DYNC2I1: variants seen among roughly 807,000 people sequenced by gnomAD.
DYNC2I1 encodes the protein cytoplasmic dynein 2 intermediate chain 1.
A neutral mutation model predicts 133.4 loss-of-function variants in DYNC2I1; 89 were observed. The ratio of observed to expected loss-of-function variants is 0.67; its 90% CI spans 0.56 to 0.80. The LOEUF (loss-of-function observed/expected upper bound fraction) is 0.80, where lower values mean the gene tolerates loss of function less well. Among genes scored for constraint, DYNC2I1 ranks in the 30% least tolerant of loss-of-function variants. The pLI, the probability that DYNC2I1 is intolerant of heterozygous loss-of-function variation, is 0.00. For missense variants in DYNC2I1, 1,291 were observed against 1,314.5 expected, an observed-to-expected ratio of 0.98 and a Z score of 0.28; for synonymous variants, 504 against 484.3, an observed-to-expected ratio of 1.04 and a Z score of -0.54.
chr7:158,933,232 GA>G (rs1319382732), intron 21 of DYNC2I1, among the ~76,000 whole-genome samples: 2 of 152,060 alleles, frequency 1.3e-5, no homozygotes, highest in Admixed American at 6.5e-5. Flanking sequence ...CCATATAAAG[GA>G]AAAAATAAAA....
At chr7:158,947,318 T>C (rs1015729661), downstream of DYNC2I1, among the ~76,000 whole-genome samples, 12 of 152,222 alleles carry the variant, frequency 7.9e-5, no homozygotes, top group Admixed American at 7.9e-4. Flanking sequence ...TCCTTGCTGC[T>C]GTTTTGCAAC....
intron 8 of DYNC2I1, among the ~76,000 whole-genome samples, chr7:158,893,712 A>C (rs111396024): frequency 6.8e-6 from 1 of 146,224 alleles, no homozygotes; most frequent in Non-Finnish European, 1.5e-5. Flanking sequence ...ATATCGTACC[A>C]CATATCGTAC....
At chr7:158,897,538 C>G (rs1845868848) in intron 8 of DYNC2I1, among the ~76,000 whole-genome samples, 1 of 152,166 alleles carries the variant, frequency 6.6e-6, no homozygotes, top group African/African-American at 2.4e-5. Context: ...TAGAGCTGTT[C>G]ATGGTATTAC....
downstream of DYNC2I1, among the ~76,000 whole-genome samples, chr7:158,947,456 T>C (rs2730217): frequency 0.85 from 129,930 of 152,250 alleles, 55,652 homozygotes; most frequent in East Asian, 0.95. Context: ...CTTTGGTGTC[T>C]GCGAATTCTC....
At chr7:158,940,074 T>C (rs1851186220) in intron 23 of DYNC2I1, among the ~76,000 whole-genome samples, 1 of 152,168 alleles carries the variant, frequency 6.6e-6, no homozygotes, top group Non-Finnish European at 1.5e-5. Context: ...CTCTCAGTAA[T>C]GGACAGATTA....
intron 23 of DYNC2I1, among the ~76,000 whole-genome samples, chr7:158,935,137 C>T (rs1350411863): frequency 6.6e-6 from 1 of 152,210 alleles, no homozygotes; most frequent in African/African-American, 2.4e-5. Flanking sequence ...CTGTTTAACA[C>T]AATAGAAATT....
At chr7:158,936,682 C>T (rs1183215120) in intron 23 of DYNC2I1, among the ~76,000 whole-genome samples, 1 of 152,228 alleles carries the variant, frequency 6.6e-6, no homozygotes, top group Non-Finnish European at 1.5e-5. Flanking sequence ...AAAGGAGGCA[C>T]TCAATCAGAG....
At chr7:158,922,918 G>A (rs1849240862) in intron 16 of DYNC2I1, among the ~76,000 whole-genome samples, 1 of 152,106 alleles carries the variant, frequency 6.6e-6, no homozygotes, top group Non-Finnish European at 1.5e-5. Flanking sequence ...TGTTTTAGAG[G>A]TTTCTTAGAC....
At chr7:158,905,200 G>T (rs146718513) in intron 10 of DYNC2I1, 1 of 390,290 alleles carries the variant, frequency 2.6e-6, no homozygotes, top group Admixed American at 3.3e-5. Context: ...GAGTACAGTG[G>T]CATGATCTCG....
rs1444286764 is a variant in DYNC2I1 at position 158,886,948 on chromosome 7, T to C, written c.936-73T>C. The C allele has an allele frequency of 2.2e-6, 3 of 1,384,378 alleles. No homozygotes were observed. In the East Asian group the frequency reaches 6.9e-5, roughly 32 times the overall value. 85.8% of individuals were successfully genotyped at this position (1,384,378 alleles called of 1,614,324 possible). On this transcript the variant is annotated intron_variant, in intron 6 of 24. Transcript: ENST00000407559. ...AAATATTGTTAAGAGCTTTCACTGA[T>C]ATGGAAAATGTTTTATTTTTTAAAA...
At chr7:158,941,706 A>C (rs1170702612) in intron 23 of DYNC2I1, among the ~76,000 whole-genome samples, 2 of 152,138 alleles carry the variant, frequency 1.3e-5, no homozygotes, top group Non-Finnish European at 2.9e-5. Flanking sequence ...ACATAGTGAG[A>C]CCTCATCTCT....
chr7:158,881,191 T>C (rs1843970111), intron 5 of DYNC2I1, among the ~76,000 whole-genome samples: 1 of 152,158 alleles, frequency 6.6e-6, no homozygotes, highest in Admixed American at 6.5e-5. Context: ...GGGGTCAGAG[T>C]CCTTTAACCT....
At chr7:158,848,113 A>C in the DYNC2I1 span, among the ~76,000 whole-genome samples, 6 of 152,254 alleles carry the variant, frequency 3.9e-5, no homozygotes, top group East Asian at 5.8e-4. Context: ...CCTGAGGGAT[A>C]TATGTGATCC....
At chr7:158,911,721 A>G (rs1164520338) in intron 12 of DYNC2I1, 42 bp downstream of exon 12, 2 of 1,576,928 alleles carry the variant, frequency 1.3e-6, no homozygotes, top group African/African-American at 1.4e-5. Context: ...AATGCAAGTA[A>G]AGTCTAGTAG....
intron 3 of DYNC2I1, among the ~76,000 whole-genome samples, chr7:158,872,832 A>G (rs1034752203): frequency 6.6e-6 from 1 of 151,960 alleles, no homozygotes; most frequent in African/African-American, 2.4e-5. Flanking sequence ...CCCCATCTCT[A>G]CTGAAAAAAA....
chr7:158,878,644 GACTCT>G (rs1843641836), intron 4 of DYNC2I1, among the ~76,000 whole-genome samples: 1 of 143,296 alleles, frequency 7.0e-6, no homozygotes, highest in Admixed American at 6.9e-5. Flanking sequence ...CAGGAGGGCC[GACTCT>G]GAGTGCCAGG....
chr7:158,859,152 T>C (rs1437493906), intron 1 of DYNC2I1, among the ~76,000 whole-genome samples: 24 of 149,770 alleles, frequency 1.6e-4, no homozygotes, highest in Admixed American at 1.5e-3. Context: ...CGAGCTACCA[T>C]GCCTGGCCTG....
chr7:158,948,047 C>T (rs992058560), downstream of DYNC2I1, among the ~76,000 whole-genome samples: 21 of 152,226 alleles, frequency 1.4e-4, no homozygotes, highest in African/African-American at 3.9e-4. Context: ...GGAGCTGGCC[C>T]GGTGCTTGTG....
intron 20 of DYNC2I1, among the ~76,000 whole-genome samples, chr7:158,928,805 C>T (rs1398068591): frequency 6.6e-6 from 1 of 152,076 alleles, no homozygotes; most frequent in Admixed American, 6.5e-5. Flanking sequence ...CCCCCCTTCA[C>T]ACCCAGGATT....
Sources: gnomAD v4.1 joint callset for allele counts (sites outside exome capture counted in the v4.1 genomes callset) on GRCh38, gnomAD v4.1.1 for gene constraint, MANE v1.5 for transcripts, NCBI Gene and HGNC (gene_info 2026-07-23, HGNC 2026-07-21) for gene names.